The following SUPT3H variants were observed in gnomAD, a reference collection of about 807,000 sequenced individuals.
SUPT3H encodes SPT3 homolog, SAGA and STAGA complex component.
A neutral mutation model predicts 44.3 loss-of-function variants in SUPT3H; 44 were observed. The observed-to-expected ratio is 0.99, with a 90% CI of 0.78 to 1.28. SUPT3H has a LOEUF of 1.28. SUPT3H is among the 50% of genes most tolerant of loss of function. The pLI is 0.00. For synonymous variants in SUPT3H, 124 were observed against 125.6 expected, an observed-to-expected ratio of 0.99 and a Z score of 0.09; for missense variants, 380 against 387.1, an observed-to-expected ratio of 0.98 and a Z score of 0.15.
At chr6:45,175,776 A>C (rs2153609304) in intron 2 of SUPT3H, among the ~76,000 whole-genome samples, 1 of 152,326 alleles carries the variant, frequency 6.6e-6, no homozygotes, top group Non-Finnish European at 1.5e-5. Flanking sequence ...AATCCTATTT[A>C]GAATTTGGAT....
intron 2 of SUPT3H, among the ~76,000 whole-genome samples, chr6:45,323,254 C>G (rs1290221986): frequency 6.6e-6 from 1 of 151,976 alleles, no homozygotes; most frequent in African/African-American, 2.4e-5. Context: ...CTTTATAAAC[C>G]TCAAAATTCA....
At chr6:44,862,021 T>C (rs1450334632) in intron 10 of SUPT3H, among the ~76,000 whole-genome samples, 1 of 152,174 alleles carries the variant, frequency 6.6e-6, no homozygotes, top group Non-Finnish European at 1.5e-5. Flanking sequence ...GCAAGGACAC[T>C]ACCTTAAGGA....
intron 2 of SUPT3H, among the ~76,000 whole-genome samples, chr6:45,213,144 G>A (rs960765116): frequency 6.6e-6 from 1 of 152,182 alleles, no homozygotes; most frequent in Admixed American, 6.5e-5. Flanking sequence ...AGTGACATGA[G>A]TCTAAGTTCC....
chr6:45,089,000 C>A (rs16873117), intron 3 of SUPT3H, among the ~76,000 whole-genome samples: 8,642 of 151,952 alleles, frequency 0.057, 827 homozygotes, highest in African/African-American at 0.19. Flanking sequence ...AAGATGTATT[C>A]ATCTGAAGGA....
chr6:45,281,179 G>A (rs1256212485), intron 2 of SUPT3H, among the ~76,000 whole-genome samples: 1 of 152,170 alleles, frequency 6.6e-6, no homozygotes, highest in East Asian at 1.9e-4. Flanking sequence ...TGCAGAAGAC[G>A]GGTGATTTCT....
intron 10 of SUPT3H, among the ~76,000 whole-genome samples, chr6:44,897,946 T>C (rs560576818): frequency 3.3e-5 from 5 of 152,212 alleles, no homozygotes; most frequent in African/African-American, 9.6e-5. Flanking sequence ...TATACAATTA[T>C]ATAAGACATT....
chr6:44,950,789 C>T (rs1774165683), intron 9 of SUPT3H, among the ~76,000 whole-genome samples: 1 of 146,518 alleles, frequency 6.8e-6, no homozygotes, highest in Non-Finnish European at 1.5e-5. Flanking sequence ...ATGGCACTAC[C>T]ATTTGGATCT....
At chr6:45,341,321 T>A (rs1340585711) in intron 2 of SUPT3H, among the ~76,000 whole-genome samples, 1 of 152,182 alleles carries the variant, frequency 6.6e-6, no homozygotes, top group Non-Finnish European at 1.5e-5. Flanking sequence ...ATGAGATATT[T>A]TGCAAAGATA....
intron 10 of SUPT3H, among the ~76,000 whole-genome samples, chr6:44,852,666 C>G (rs1370558659): frequency 6.6e-6 from 1 of 152,156 alleles, no homozygotes. Flanking sequence ...ATTTGGAGAA[C>G]ATACTATTTT....
At position 45,365,280 on chromosome 6, in the gene SUPT3H, G is replaced by C; in HGVS notation, c.22C>G (p.Pro8Ala). The change falls in exon 2 of 11, where the codon CCA becomes GCA. Residue 8 changes from proline (P) to alanine (A), a missense_variant. Pro to Ala is a conservative substitution (Grantham distance 27). Coordinates refer to ENST00000371459, the MANE Select transcript of SUPT3H (RefSeq NM_003599.4). ...CTACTTGAAGTTGCAGTAGACATTGGACTAGCTGCCGTATTATTCATCTAA... is the reference window on the plus strand; with the variant it reads ...CTACTTGAAGTTGCAGTAGACATTGCACTAGCTGCCGTATTATTCATCTAA... MNNTAAS[P>A]MSTATSSSGR... 1 of 1,610,504 alleles carries C rather than the reference G, an allele frequency of 6.2e-7. No homozygotes were observed. The highest frequency in any genetic ancestry group is 8.5e-7 in the Non-Finnish European group (1 of 1,177,978).
intron 2 of SUPT3H, among the ~76,000 whole-genome samples, chr6:45,273,688 C>T (rs1479351442): frequency 1.3e-5 from 2 of 152,126 alleles, no homozygotes; most frequent in African/African-American, 4.8e-5. Flanking sequence ...TGTATGACTC[C>T]TCCACATTTG....
At chr6:45,224,856 T>C (rs1010948584) in intron 2 of SUPT3H, among the ~76,000 whole-genome samples, 7 of 151,904 alleles carry the variant, frequency 4.6e-5, no homozygotes, top group African/African-American at 1.7e-4. Flanking sequence ...CAAGGTAAGA[T>C]AATTTTTCAT....
chr6:45,242,949 C>T (rs1223896496), intron 2 of SUPT3H, among the ~76,000 whole-genome samples: 1 of 152,066 alleles, frequency 6.6e-6, no homozygotes, highest in African/African-American at 2.4e-5. Flanking sequence ...AATCCCAACA[C>T]TTTGGGAGGC....
At chr6:45,341,634 G>A (rs1789801480) in intron 2 of SUPT3H, among the ~76,000 whole-genome samples, 1 of 152,122 alleles carries the variant, frequency 6.6e-6, no homozygotes, top group African/African-American at 2.4e-5. Flanking sequence ...CATAAGACTC[G>A]AGGTAACAAA....
intron 2 of SUPT3H, among the ~76,000 whole-genome samples, chr6:45,192,101 C>T (rs764229093): frequency 2.6e-5 from 4 of 152,056 alleles, no homozygotes; most frequent in African/African-American, 7.2e-5. Flanking sequence ...ATCTGTTAGT[C>T]CAGTACTCCC....
intron 9 of SUPT3H, among the ~76,000 whole-genome samples, chr6:44,936,127 A>G (rs1771370975): frequency 1.3e-5 from 2 of 152,204 alleles, no homozygotes; most frequent in Non-Finnish European, 2.9e-5. Context: ...GCAGACCACA[A>G]AAGTTGATAT....
intron 3 of SUPT3H, among the ~76,000 whole-genome samples, chr6:45,078,089 T>G (rs1338112705): frequency 6.6e-6 from 1 of 152,144 alleles, no homozygotes; most frequent in Non-Finnish European, 1.5e-5. Context: ...GCCAGACTGG[T>G]CTTGAACTCC....
At chr6:45,103,321 C>T (rs1797156) in intron 3 of SUPT3H, among the ~76,000 whole-genome samples, 132,343 of 152,182 alleles carry the variant, frequency 0.87, 57,785 homozygotes, top group African/African-American at 0.91. Context: ...TAAGCATCTA[C>T]TGTAATAAGA....
At chr6:45,029,990 C>T (rs923831563) in intron 3 of SUPT3H, among the ~76,000 whole-genome samples, 2 of 152,148 alleles carry the variant, frequency 1.3e-5, no homozygotes, top group East Asian at 1.9e-4. Flanking sequence ...TTTTCGAACT[C>T]CTTGGCTCAA....
Sources: allele counts gnomAD v4.1 joint callset (sites outside exome capture counted in the v4.1 genomes callset), GRCh38; gene constraint gnomAD v4.1.1; transcripts MANE v1.5; gene names NCBI Gene and HGNC (gene_info 2026-07-23, HGNC 2026-07-21).